The following SLFN11 variants were observed in gnomAD, a reference collection of about 807,000 sequenced individuals.
SLFN11 encodes schlafen family member 11.
In SLFN11, 43 loss-of-function variants were observed where a neutral mutation model predicts 53.4. The observed-to-expected ratio is 0.80, with a 90% confidence interval of 0.63 to 1.04. The LOEUF is 1.04. SLFN11 is among the 50% of genes least tolerant of loss of function. The probability of loss-of-function intolerance (pLI) is 0.00; values close to 1 mark genes in which losing one functional copy is unlikely to be tolerated. For synonymous variants in SLFN11, 389 were observed against 394.7 expected (o/e 0.99, Z 0.17); for missense variants, 990 against 1,079.1 (o/e 0.92, Z 1.16).
At chr17:35,361,572 C>T (rs1289847700) in intron 4 of SLFN11, among the ~76,000 whole-genome samples, 2 of 152,004 alleles carry the variant, frequency 1.3e-5, no homozygotes, top group Non-Finnish European at 2.9e-5. Flanking sequence ...AGTGATCCTC[C>T]CACCACAGCC....
At position 35,353,711 on chromosome 17, in the gene SLFN11, C is replaced by A. The variant is rs761130060; in HGVS notation, c.1547G>T (p.Cys516Phe). ...CTCTGCGCTGCTCTCAGGACTCAGG[C>A]AGAGGACCTTGGCCCTGACACACAC... ...GKVCVRAKVL[C>F]LSPESSAEAL... Residue 516 changes from cysteine to phenylalanine, a missense_variant, in exon 6 of 7, where the codon TGC becomes TTC. By Grantham distance (205) the Cys-to-Phe change is radical. Coordinates refer to ENST00000685675, the MANE Select transcript of SLFN11 (RefSeq NM_001376007.1). 2.1e-6 allele frequency: 3 copies of A among 1,421,568 alleles called. No homozygotes were observed. In the African/African-American group the frequency reaches 4.7e-5, roughly 22 times the overall value. The allele number at this position is 1,421,568 out of a possible 1,614,324, so 88.1% of individuals were successfully genotyped here.
chr17:35,352,258 G>A lies in SLFN11; in HGVS notation c.*98C>T, dbSNP rs567151926. ...GCTCCAAACTCTTTGTGTCAGCTCC[G>A]TCCAAATCTCTGACTTGTGAACTAA... On this transcript the variant is annotated 3_prime_UTR_variant, in exon 7 of 7. Coordinates refer to ENST00000685675, the MANE Select transcript of SLFN11 (RefSeq NM_001376007.1). The A allele has an allele frequency of 2.6e-5, 38 of 1,463,194 alleles. No homozygotes were observed. The highest frequency in any genetic ancestry group is 1.7e-4 in the African/African-American group (12 of 71,228). 90.6% of individuals were successfully genotyped at this position (1,463,194 alleles called of 1,614,324 possible). A position where few individuals can be genotyped will look rare whatever the true frequency, so the allele number is the denominator to read the frequency against.
chr17:35,363,036 G>C lies in SLFN11; in HGVS notation c.772C>G (p.Leu258Val), dbSNP rs1908446106. Residue 258 changes from leucine to valine, a missense_variant, in exon 4 of 7, where the codon CTG becomes GTG. Leu to Val is a conservative substitution (Grantham distance 32). Coordinates refer to ENST00000685675, the MANE Select transcript of SLFN11 (RefSeq NM_001376007.1). Reference protein sequence around the residue: ...IGVDDKSREVLGCAKENVDPD... With the variant: ...IGVDDKSREVVGCAKENVDPD... ...TCAACATTTTCTTTTGCACATCCCAGGACTTCCCTACTCTTATCATCCACT... is the reference window on the plus strand; with the variant it reads ...TCAACATTTTCTTTTGCACATCCCACGACTTCCCTACTCTTATCATCCACT... 6.2e-7 allele frequency: 1 copy of C among 1,613,868 alleles called. No homozygotes were observed. The highest frequency in any genetic ancestry group is 1.3e-5 in the African/African-American group (1 of 74,892).
At chr17:35,361,132 CT>C (rs1449821480) in intron 4 of SLFN11, among the ~76,000 whole-genome samples, 2 of 152,126 alleles carry the variant, frequency 1.3e-5, no homozygotes, top group African/African-American at 2.4e-5. Flanking sequence ...TATGTTCTCT[CT>C]GTGTTTCTCC....
intron 5 of SLFN11, 53 bp downstream of exon 5, chr17:35,360,190 C>T: frequency 1.3e-6 from 2 of 1,559,874 alleles, no homozygotes; most frequent in Non-Finnish European, 1.7e-6. Flanking sequence ...GTTTAATCTC[C>T]CTTTATCCTA....
intron 4 of SLFN11, among the ~76,000 whole-genome samples, chr17:35,361,152 G>C (rs2141958596): frequency 6.6e-6 from 1 of 152,132 alleles, no homozygotes; most frequent in East Asian, 1.9e-4. Context: ...CCAGGCTTAG[G>C]GTGTTCTCAG....
chr17:35,363,462 G>A lies in SLFN11; in HGVS notation c.346C>T (p.Pro116Ser), dbSNP rs1342609160. The A allele has an allele frequency of 6.2e-7, 1 of 1,613,888 alleles. No homozygotes were observed. The highest frequency in any genetic ancestry group is 2.2e-5 in the East Asian group (1 of 44,886). The change falls in exon 4 of 7, where the codon CCT becomes TCT. Residue 116 changes from proline (P) to serine (S), a missense_variant. Physicochemically the swap from Pro to Ser is moderately conservative, Grantham distance 74. Transcript: ENST00000685675. ...FVKSWSSGPF[P>S]EDRSVKPRLC... The stretch of plus-strand genomic sequence containing the variant: ...CGGGGCTTGACAGAGCGATCTTCAG[G>A]GAAAGGGCCACTGCTCCAAGATTTA...
chr17:35,362,810 A>C lies in SLFN11; in HGVS notation c.998T>G (p.Ile333Arg), dbSNP rs145672391. ...GCTGCAGACGTACTTGTCCTCCACT[A>C]TCCATGAATTGGGAGCTTCTGAGAA... ...AVFSEAPNSW[I>R]VEDKYVCSLT... The change falls in exon 4 of 7, where the codon ATA becomes AGA. Residue 333 changes from isoleucine to arginine, a missense_variant. Physicochemically the swap from Ile to Arg is moderately conservative, Grantham distance 97. Coordinates refer to ENST00000685675, the MANE Select transcript of SLFN11 (RefSeq NM_001376007.1). 6.2e-7 allele frequency: 1 copy of C among 1,612,436 alleles called. No individual in the cohort carries two copies. Among genetic ancestry groups the C allele is most frequent in the African/African-American group, 1.3e-5 (1 of 74,872 alleles).
Position 35,353,149 on chromosome 17 carries a change from T to G in SLFN11, c.1923-10A>C. 3.1e-6 allele frequency: 5 copies of G among 1,607,426 alleles called. No homozygotes were observed. The highest frequency in any genetic ancestry group is 4.2e-6 in the Non-Finnish European group (5 of 1,177,504). On this transcript the variant is annotated splice_polypyrimidine_tract_variant and intron_variant, in intron 6 of 6. Coordinates refer to ENST00000685675, the MANE Select transcript of SLFN11 (RefSeq NM_001376007.1). ...GCAGATATTTCTATCACTGTAAAAA[T>G]TAAAAGAACACACTCAGGTTTTCTC...
In SLFN11 at chr17:35,363,645, T is replaced by C. The variant is rs1490407555; in HGVS notation, c.163A>G (p.Asn55Asp). 2 of 1,613,922 alleles carry C rather than the reference T, an allele frequency of 1.2e-6. No individual in the cohort carries two copies. Among genetic ancestry groups the C allele is most frequent in the Non-Finnish European group, 8.5e-7 (1 of 1,179,934 alleles). ...ATTCGAATCACTCCTCCTCCTGAGT[T>C]TAATAAAGCACATGCAGCCCGCATA... The part of the protein sequence containing the change: ...RVMRAACALL[N>D]SGGGVIRMAK... The change falls in exon 4 of 7, where the codon AAC (asparagine) becomes GAC (aspartate). Residue 55 changes from asparagine to aspartate, a missense_variant. By Grantham distance (23) the Asn-to-Asp change is conservative (BLOSUM62 1). Coordinates refer to ENST00000685675, the MANE Select transcript of SLFN11 (RefSeq NM_001376007.1).
Position 35,363,330 on chromosome 17 carries a change from T to A in SLFN11, c.478A>T (p.Ile160Phe). 1 of 1,613,996 alleles carries A rather than the reference T, an allele frequency of 6.2e-7. No homozygotes were observed. Among genetic ancestry groups the A allele is most frequent in the East Asian group, 2.2e-5 (1 of 44,874 alleles). ...CFLKTKRKPK[I>F]LEEGPFHKIH... ...TTGTGAAAAGGTCCTTCTTCCAAGA[T>A]TTTTGGCTTCCTTTTGGTCTTCAGG... Residue 160 changes from isoleucine (I) to phenylalanine (F), a missense_variant, in exon 4 of 7, where the codon ATC (isoleucine) becomes TTC (phenylalanine). Around this residue, in one of 3 missense-constraint regions of SLFN11, gnomAD observed 521 missense variants for 516.2 expected, o/e 1.01. Transcript: ENST00000685675.
chr17:35,360,517 A>G (rs1160323465), intron 4 of SLFN11, 146 bp from the exon 5 acceptor site: 3 of 802,694 alleles, frequency 3.7e-6, no homozygotes, highest in Admixed American at 3.4e-5. Context: ...CACTTACTCT[A>G]GATAAGTGCC....
intron 1 of SLFN11, among the ~76,000 whole-genome samples, chr17:35,371,738 A>T (rs1909693661): frequency 6.6e-6 from 1 of 152,176 alleles, no homozygotes; most frequent in Non-Finnish European, 1.5e-5. Flanking sequence ...ATCACTGATC[A>T]TCAGAAAAAT....
chr17:35,362,717 G>T, intron 4 of SLFN11, 22 bp downstream of exon 4: 1 of 1,515,790 alleles, frequency 6.6e-7, no homozygotes, highest in South Asian at 1.3e-5. Flanking sequence ...GGACAGGGAG[G>T]GAGGAGCTTT....
At position 35,353,806 on chromosome 17, in the gene SLFN11, C is replaced by T; in HGVS notation, c.1452G>A (p.Gln484=). The T allele has an allele frequency of 6.3e-7, 1 of 1,588,024 alleles. No individual in the cohort carries two copies. Among genetic ancestry groups the T allele is most frequent in the South Asian group, 1.1e-5 (1 of 89,142 alleles). The part of the protein sequence containing the change: ...TILREQDAEG[Q]DYCTRTAFTL... ...TAAAGGCGGTGCGAGTGCAGTAGTC[C>T]TGGCCCTCTGCATCTTGCTCCCTGA... is the stretch of plus-strand genomic sequence containing the variant. Residue 484 remains glutamine (Q), a synonymous_variant, in exon 6 of 7, where the codon CAG becomes CAA. Transcript: ENST00000685675.
Position 35,369,296 on chromosome 17 carries a change from T to C in SLFN11, c.-234-1596A>G, listed in dbSNP as rs570909357. Reference sequence around the variant, plus strand: ...CCAGTTGACTAAAGAGCCCTTGGGCTTTAAGTGAATATCAGCAATAGCTAA... The same window carrying C: ...CCAGTTGACTAAAGAGCCCTTGGGCCTTAAGTGAATATCAGCAATAGCTAA... On this transcript the variant is annotated intron_variant, in intron 1 of 6. Coordinates refer to ENST00000685675, the MANE Select transcript of SLFN11 (RefSeq NM_001376007.1). Among the ~76,000 whole-genome samples, 3 of 152,200 alleles carry C rather than the reference T, an allele frequency of 2.0e-5. No homozygotes were observed. In the East Asian group the frequency reaches 5.8e-4, roughly 29 times the overall value.
Position 35,352,493 on chromosome 17 carries a change from A to G in SLFN11, c.2569T>C (p.Phe857Leu). ...ACTATGCTCCTTTCCAGGCCTGAGA[A>G]TCGCCGAACACTGTCCAACACAATG... ...DHIVLDSVRR[F>L]SGLERSIVFG... Residue 857 changes from phenylalanine (F) to leucine (L), a missense_variant, in exon 7 of 7, where the codon TTC (phenylalanine) becomes CTC (leucine). This residue lies in a region of SLFN11 where 313 missense variants were observed against 320.9 expected (regional missense o/e 0.98). Coordinates refer to ENST00000685675, the MANE Select transcript of SLFN11 (RefSeq NM_001376007.1). The G allele has an allele frequency of 6.2e-7, 1 of 1,614,182 alleles. No homozygotes were observed. The highest frequency in any genetic ancestry group is 8.5e-7 in the Non-Finnish European group (1 of 1,180,034).
At chr17:35,372,675 G>A (rs1909836056) in intron 1 of SLFN11, among the ~76,000 whole-genome samples, 2 of 152,058 alleles carry the variant, frequency 1.3e-5, no homozygotes, top group South Asian at 2.1e-4. Context: ...TGCTTGAGGC[G>A]ATGGATACCC....
chr17:35,364,296 A>T (rs1037893430), intron 3 of SLFN11, among the ~76,000 whole-genome samples: 2 of 152,098 alleles, frequency 1.3e-5, no homozygotes, highest in Admixed American at 6.5e-5. Context: ...GAGACTTCAG[A>T]AAGGACTGAC....
Sources: allele counts gnomAD v4.1 joint callset (sites outside exome capture counted in the v4.1 genomes callset), GRCh38; gene constraint gnomAD v4.1.1; regional missense constraint gnomAD v4.1.1; transcripts MANE v1.5; gene names NCBI Gene and HGNC (gene_info 2026-07-23, HGNC 2026-07-21).